Variants in MORN1 observed in about 807,000 individuals in gnomAD.
The protein encoded by MORN1 is MORN repeat-containing protein 1.
A neutral mutation model predicts 61.9 loss-of-function variants in MORN1; 67 were observed. The observed-to-expected ratio is 1.08, with a 90% CI of 0.89 to 1.33. The LOEUF (loss-of-function observed/expected upper bound fraction) is 1.33, where lower values mean the gene tolerates loss of function less well. Among genes scored for constraint, MORN1 ranks in the 40% most tolerant of loss-of-function variants. MORN1 has a pLI of 0.00. For missense variants in MORN1, 752 were observed against 691.2 expected (o/e 1.09, Z -0.99); for synonymous variants, 301 against 292.0 (o/e 1.03, Z -0.31).
intron 12 of MORN1, chr1:2,332,595 C>A (rs1359268635): frequency 4.4e-6 from 2 of 456,498 alleles, no homozygotes; most frequent in Non-Finnish European, 8.8e-6. Context: ...CCGGCACAGG[C>A]CCAGGTTGGG....
In MORN1 at chr1:2,372,550, C is replaced by T. The variant is rs1245671096; in HGVS notation, c.676G>A (p.Glu226Lys). 1 of 1,613,740 alleles carries T rather than the reference C, an allele frequency of 6.2e-7. No individual in the cohort carries two copies. The highest frequency in any genetic ancestry group is 8.5e-7 in the Non-Finnish European group (1 of 1,179,960). The change falls in exon 8 of 14, where the codon GAA becomes AAA. Residue 226 changes from glutamate to lysine, a missense_variant. Physicochemically the swap from Glu to Lys is moderately conservative, Grantham distance 56. Coordinates refer to ENST00000378531, the MANE Select transcript of MORN1 (RefSeq NM_024848.3). This position sits in a 1 kb window ranked among gnomAD's most constrained non-coding sequence, Gnocchi z 5.4. The part of the protein sequence containing the change: ...RIVILGPEVM[E>K]VAQGSPFSVN... ...GAGAAGGGAGACCCTTGGGCCACTTCCATCACCTCCGGACCCAAGATCACG... is the reference window on the plus strand; with the variant it reads ...GAGAAGGGAGACCCTTGGGCCACTTTCATCACCTCCGGACCCAAGATCACG...
intron 8 of MORN1, among the ~76,000 whole-genome samples, chr1:2,360,232 G>A (rs1313177915): frequency 6.6e-6 from 1 of 152,202 alleles, no homozygotes; most frequent in Non-Finnish European, 1.5e-5. Flanking sequence ...TCTGGCAAAG[G>A]AGACACGATT....
intron 12 of MORN1, among the ~76,000 whole-genome samples, chr1:2,330,729 G>A (rs865896427): frequency 2.6e-5 from 4 of 152,184 alleles, no homozygotes; most frequent in African/African-American, 4.8e-5. Flanking sequence ...AGGTCGCCGC[G>A]CACACCCGTG....
At chr1:2,324,204 C>T (rs1376611450) in intron 12 of MORN1, 61 bp from the exon 13 acceptor site, 2 of 1,521,098 alleles carry the variant, frequency 1.3e-6, no homozygotes, top group African/African-American at 1.4e-5. Flanking sequence ...GACATGGCAT[C>T]CCTGACCTGA....
Position 2,337,239 on chromosome 1 carries a change from T to C in MORN1, c.1037-389A>G, listed in dbSNP as rs2645069. ...AGAGGCTGGCGCTCAACAGTACAGC[T>C]GTGTGCCCTCCTCGGAGCGCAGCAT... On this transcript the variant is annotated intron_variant, in intron 10 of 13. Transcript: ENST00000378531. This position sits in a 1 kb window ranked among gnomAD's most constrained non-coding sequence, Gnocchi z 5.7. 0.77 allele frequency among the ~76,000 whole-genome samples: 117,074 copies of C among 152,018 alleles called. 46,251 individuals carry two copies. Among genetic ancestry groups the C allele is most frequent in the African/African-American group, 0.94 (39,067 of 41,490 alleles).
chr1:2,353,139 C>T (rs1641686982), intron 10 of MORN1, among the ~76,000 whole-genome samples: 1 of 152,228 alleles, frequency 6.6e-6, no homozygotes, highest in Non-Finnish European at 1.5e-5. Flanking sequence ...GGACGCCTGT[C>T]TGGGAGCCAA....
At chr1:2,378,975 A>G in intron 6 of MORN1, 1 of 468,898 alleles carries the variant, frequency 2.1e-6, no homozygotes, top group Non-Finnish European at 4.4e-6. Context: ...TTTCCGTCAG[A>G]AGAAGCTGTA....
intron 10 of MORN1, among the ~76,000 whole-genome samples, chr1:2,356,036 G>T (rs1641760371): frequency 1.3e-5 from 2 of 152,238 alleles, no homozygotes; most frequent in Admixed American, 1.3e-4. Flanking sequence ...CTGGAGGGTT[G>T]GAGTTGGGGG....
At chr1:2,332,276 G>C in intron 12 of MORN1, 1 of 238,146 alleles carries the variant, frequency 4.2e-6, no homozygotes, top group Non-Finnish European at 8.4e-6. Flanking sequence ...CTGCACGAAG[G>C]GGACACAGAT....
At chr1:2,385,193 T>C (rs988760598) in intron 5 of MORN1, 128 bp from the exon 6 acceptor site, 475 of 943,218 alleles carry the variant, frequency 5.0e-4, no homozygotes, top group Admixed American at 6.8e-4. Context: ...CCCGAGCAGA[T>C]GGCCCCAAGA....
chr1:2,331,672 C>G (rs544529101), intron 12 of MORN1, among the ~76,000 whole-genome samples: 147 of 152,310 alleles, frequency 9.7e-4, no homozygotes, highest in Admixed American at 2.3e-3. Flanking sequence ...ACCTTGGCTC[C>G]TCTTTCCTCT....
At chr1:2,351,767 GA>G in intron 10 of MORN1, 1 of 559,850 alleles carries the variant, frequency 1.8e-6, no homozygotes, top group South Asian at 1.5e-5. Flanking sequence ...CAAAAGCCTT[GA>G]AGGTGCCAAT....
At chr1:2,379,281 GGAGA>G in intron 6 of MORN1, 1 of 395,614 alleles carries the variant, frequency 2.5e-6, no homozygotes, top group South Asian at 1.9e-5. Flanking sequence ...GTGAAGGCCA[GGAGA>G]GAGAGAAGAA....
At chr1:2,329,230 AGC>A (rs1557867335) in intron 12 of MORN1, among the ~76,000 whole-genome samples, 1 of 151,016 alleles carries the variant, frequency 6.6e-6, no homozygotes, top group Non-Finnish European at 1.5e-5. Context: ...ATCCCCGCTG[AGC>A]GCTGGGCACG....
chr1:2,351,698 C>A (rs1287638448), intron 10 of MORN1: 4 of 457,184 alleles, frequency 8.7e-6, no homozygotes, highest in African/African-American at 2.1e-5. Context: ...GCTTCGCATT[C>A]TTTAGTTTCA....
rs182863424 is a variant in MORN1 at position 2,366,850 on chromosome 1, T to G, written c.745+5631A>C. On this transcript the variant is annotated intron_variant, in intron 8 of 13. Coordinates refer to ENST00000378531, the MANE Select transcript of MORN1 (RefSeq NM_024848.3). ...TGCACCCAGCAAGGCAAATCTATCATAGTCAGATATTTCAATATGCTACTC... is the reference window on the plus strand; with the variant it reads ...TGCACCCAGCAAGGCAAATCTATCAGAGTCAGATATTTCAATATGCTACTC... 4.6e-5 allele frequency among the ~76,000 whole-genome samples: 7 copies of G among 152,214 alleles called. No homozygotes were observed. The South Asian group carries it at 1.2e-3, about 27-fold the overall frequency.
intron 10 of MORN1, among the ~76,000 whole-genome samples, chr1:2,340,113 C>T (rs1641364152): frequency 6.6e-6 from 1 of 152,216 alleles, no homozygotes; most frequent in Non-Finnish European, 1.5e-5. Context: ...GGCCACTGTC[C>T]CCACAGGCCC....
rs772962056 is a variant in MORN1, at chr1:2,337,175, T to C, written c.1037-325A>G. Among the ~76,000 whole-genome samples the C allele has an allele frequency of 1.3e-5, 2 of 152,146 alleles. No individual in the cohort carries two copies. Among genetic ancestry groups the C allele is most frequent in the African/African-American group, 2.4e-5 (1 of 41,426 alleles). On this transcript the variant is annotated intron_variant, in intron 10 of 13. Coordinates refer to ENST00000378531, the MANE Select transcript of MORN1 (RefSeq NM_024848.3). This position sits in a 1 kb window ranked among gnomAD's most constrained non-coding sequence, Gnocchi z 5.7. ...CAGCAGCCCCCGTCAGCCGAGGCAC[T>C]CGCTTCCAGGGTAGGGCCGGGACCG...
intron 8 of MORN1, among the ~76,000 whole-genome samples, chr1:2,359,671 T>C (rs995590620): frequency 3.3e-5 from 5 of 151,854 alleles, no homozygotes; most frequent in African/African-American, 1.2e-4. Context: ...TCTCCTGAGG[T>C]CAGGAGTTTG....
Sources: allele counts gnomAD v4.1 joint callset (sites outside exome capture counted in the v4.1 genomes callset), GRCh38; gene constraint gnomAD v4.1.1; non-coding constraint Gnocchi (gnomAD v3.1); transcripts MANE v1.5; gene names NCBI Gene and HGNC (gene_info 2026-07-23, HGNC 2026-07-21).